Variants in ITSN1 observed in about 807,000 individuals in gnomAD.
ITSN1 encodes the protein intersectin-1.
Under a neutral mutation model 239.8 loss-of-function variants are expected in ITSN1, and 58 were observed. The observed-to-expected ratio is 0.24, with a 90% CI of 0.20 to 0.30. ITSN1 has a LOEUF of 0.30. ITSN1 is among the 10% of genes least tolerant of loss of function. The pLI, the probability that ITSN1 is intolerant of heterozygous loss-of-function variation, is 1.00. For synonymous variants in ITSN1, 780 were observed against 770.8 expected (o/e 1.01, Z -0.20); for missense variants, 1,558 against 2,103.3 (o/e 0.74, Z 5.07).
At chr21:33,675,038 T>C (rs1044061611) in intron 1 of ITSN1, among the ~76,000 whole-genome samples, 1 of 152,234 alleles carries the variant, frequency 6.6e-6, no homozygotes, top group African/African-American at 2.4e-5. Flanking sequence ...TTATTTGGTA[T>C]CTCTTCATGT....
chr21:33,753,576 C>T (rs1001329622), intron 7 of ITSN1, among the ~76,000 whole-genome samples: 1 of 151,976 alleles, frequency 6.6e-6, no homozygotes, highest in African/African-American at 2.4e-5. Flanking sequence ...GCCTGGCCAA[C>T]ATGGTGAAAC....
At chr21:33,660,342 C>T (rs141027347) in intron 1 of ITSN1, among the ~76,000 whole-genome samples, 3 of 152,250 alleles carry the variant, frequency 2.0e-5, no homozygotes, top group African/African-American at 7.2e-5. Context: ...TGATTGAGGT[C>T]CCCAAGGAAC....
chr21:33,835,705 C>T (rs562610246), intron 28 of ITSN1, among the ~76,000 whole-genome samples: 1 of 152,022 alleles, frequency 6.6e-6, no homozygotes, highest in African/African-American at 2.4e-5. Flanking sequence ...CCGAGGCGGG[C>T]GGATCTCTTG....
intron 33 of ITSN1, among the ~76,000 whole-genome samples, chr21:33,871,601 C>T (rs922823086): frequency 4.6e-5 from 7 of 151,902 alleles, no homozygotes; most frequent in African/African-American, 1.7e-4. Flanking sequence ...ATTAGCTGGG[C>T]ATGGTGGTGC....
chr21:33,661,656 A>G (rs1190628428), intron 1 of ITSN1, among the ~76,000 whole-genome samples: 1 of 152,178 alleles, frequency 6.6e-6, no homozygotes, highest in Admixed American at 6.5e-5. Flanking sequence ...TGTAGCTCCC[A>G]TAATTCCCAT....
In ITSN1 at chr21:33,697,868, T is replaced by C. The variant is rs1022279276; in HGVS notation, c.-32-20929T>C. Among the ~76,000 whole-genome samples the C allele has an allele frequency of 5.9e-5, 9 of 152,332 alleles. No individual in the cohort carries two copies. The East Asian group carries it at 1.7e-3, about 29-fold the overall frequency. Reference sequence around the variant, plus strand: ...GCTCTCCTATCTGCATCTGTAGGGCTCTACAATCTGATTTTTCCAAACAAA... The same window carrying C: ...GCTCTCCTATCTGCATCTGTAGGGCCCTACAATCTGATTTTTCCAAACAAA... On this transcript the variant is annotated intron_variant, in intron 1 of 39. Coordinates refer to ENST00000381318, the MANE Select transcript of ITSN1 (RefSeq NM_003024.3).
chr21:33,799,955 C>T (rs1322838958), intron 19 of ITSN1, 26 bp downstream of exon 19: 1 of 1,605,562 alleles, frequency 6.2e-7, no homozygotes, highest in African/African-American at 1.3e-5. Context: ...GTGAGAGGGT[C>T]ATTTCTGTTG....
intron 5 of ITSN1, among the ~76,000 whole-genome samples, chr21:33,736,132 C>T (rs1569057714): frequency 6.6e-6 from 1 of 152,140 alleles, no homozygotes; most frequent in Non-Finnish European, 1.5e-5. Flanking sequence ...TTGAAGATCA[C>T]AGTAATAAAA....
chr21:33,824,353 A>C (rs1280742696), intron 25 of ITSN1, among the ~76,000 whole-genome samples: 3 of 152,354 alleles, frequency 2.0e-5, no homozygotes, highest in African/African-American at 7.2e-5. Flanking sequence ...TGTAGGAGCC[A>C]CTTGCACGTT....
chr21:33,650,688 C>A, intron 1 of ITSN1, among the ~76,000 whole-genome samples: 1 of 152,168 alleles, frequency 6.6e-6, no homozygotes, highest in Non-Finnish European at 1.5e-5. Context: ...TGGAGAATTG[C>A]ATTTTGGCCA....
At chr21:33,871,677 G>T (rs1303178486) in intron 33 of ITSN1, among the ~76,000 whole-genome samples, 4 of 151,648 alleles carry the variant, frequency 2.6e-5, no homozygotes, top group Admixed American at 1.3e-4. Context: ...CGAGGTGAAA[G>T]TTGCAGTGAG....
intron 1 of ITSN1, among the ~76,000 whole-genome samples, chr21:33,683,050 ACT>A (rs1208913228): frequency 6.6e-6 from 1 of 152,014 alleles, no homozygotes; most frequent in South Asian, 2.1e-4. Flanking sequence ...TTAACCAAAC[ACT>A]CTCTTTCTCT....
chr21:33,816,802 G>A (rs1050426324), intron 22 of ITSN1, among the ~76,000 whole-genome samples: 1 of 152,132 alleles, frequency 6.6e-6, no homozygotes, highest in African/African-American at 2.4e-5. Flanking sequence ...ATGGAAGGTC[G>A]AGAATATACA....
intron 1 of ITSN1, among the ~76,000 whole-genome samples, chr21:33,704,589 T>A (rs554859262): frequency 6.6e-6 from 1 of 152,298 alleles, no homozygotes; most frequent in South Asian, 2.1e-4. Context: ...AGGATTAAAT[T>A]GGCTAATATA....
At position 33,830,438 on chromosome 21, in the gene ITSN1, G is replaced by A. The variant is rs183727101; in HGVS notation, c.3351+693G>A. 2.0e-5 allele frequency among the ~76,000 whole-genome samples: 3 copies of A among 152,276 alleles called. No homozygotes were observed. The East Asian group carries it at 5.8e-4, about 29-fold the overall frequency. On this transcript the variant is annotated intron_variant, in intron 27 of 39. Transcript: ENST00000381318. ...GGAAAACACAATAATTATAGAGTGG[G>A]GAACTAGGACAAGACCTGAATGAGG...
intron 1 of ITSN1, among the ~76,000 whole-genome samples, chr21:33,704,091 GA>G (rs1485700307): frequency 1.3e-5 from 2 of 152,166 alleles, no homozygotes; most frequent in Non-Finnish European, 2.9e-5. Context: ...CATAGAGATA[GA>G]ACTGATTTCG....
intron 1 of ITSN1, among the ~76,000 whole-genome samples, chr21:33,706,787 A>G (rs1334133364): frequency 6.6e-6 from 1 of 152,232 alleles, no homozygotes; most frequent in African/African-American, 2.4e-5. Context: ...CTGTTGCACA[A>G]TCTTGGCTCA....
At chr21:33,692,687 T>A (rs1260723833) in intron 1 of ITSN1, among the ~76,000 whole-genome samples, 1 of 152,186 alleles carries the variant, frequency 6.6e-6, no homozygotes, top group East Asian at 1.9e-4. Context: ...ATCCATTAAA[T>A]ATAGTCATAG....
At chr21:33,837,245 G>C (rs551576061) in intron 29 of ITSN1, 1 of 1,228,510 alleles carries the variant, frequency 8.1e-7, no homozygotes, top group East Asian at 3.2e-5. Flanking sequence ...CAGGGTAGTG[G>C]GTCCTTTTGT....
Sources: allele counts gnomAD v4.1 joint callset (sites outside exome capture counted in the v4.1 genomes callset), GRCh38; gene constraint gnomAD v4.1.1; transcripts MANE v1.5; gene names NCBI Gene and HGNC (gene_info 2026-07-23, HGNC 2026-07-21).